Variants in CHCHD6 observed in about 807,000 individuals in gnomAD.
CHCHD6 encodes the protein MICOS complex subunit MIC25.
In CHCHD6, 28 loss-of-function variants were observed where a neutral mutation model predicts 32.3. That is an observed-to-expected ratio of 0.87 (90% confidence interval 0.64 to 1.19). The LOEUF (loss-of-function observed/expected upper bound fraction) is 1.19, where lower values mean the gene tolerates loss of function less well. CHCHD6 is among the 50% of genes most tolerant of loss of function. The pLI is 0.00. For missense variants in CHCHD6, 333 were observed against 307.0 expected, an observed-to-expected ratio of 1.08 and a Z score of -0.63; for synonymous variants, 122 against 117.5, an observed-to-expected ratio of 1.04 and a Z score of -0.25.
intron 4 of CHCHD6, among the ~76,000 whole-genome samples, chr3:126,804,310 C>G (rs962355681): frequency 2.6e-5 from 4 of 151,738 alleles, no homozygotes; most frequent in Non-Finnish European, 5.9e-5. Context: ...ATTGATAGAC[C>G]GCTAGCAAGA....
intron 6 of CHCHD6, among the ~76,000 whole-genome samples, chr3:126,950,507 A>C (rs1475377443): frequency 2.0e-5 from 3 of 152,196 alleles, no homozygotes; most frequent in African/African-American, 7.2e-5. Context: ...GCTGGAGTGC[A>C]GTGGCACGCT....
intron 5 of CHCHD6, among the ~76,000 whole-genome samples, chr3:126,910,816 GGCA>G (rs2078078793): frequency 6.6e-6 from 1 of 152,034 alleles, no homozygotes; most frequent in Admixed American, 6.5e-5. Context: ...GATGAGGTGT[GGCA>G]GATCGTGTCT....
At chr3:126,917,994 G>T (rs1002045027) in intron 6 of CHCHD6, among the ~76,000 whole-genome samples, 2 of 152,176 alleles carry the variant, frequency 1.3e-5, no homozygotes, top group African/African-American at 4.8e-5. Context: ...GCCTGAATGG[G>T]CTAAGATACT....
chr3:126,807,383 A>T (rs972258316), intron 4 of CHCHD6, among the ~76,000 whole-genome samples: 8 of 152,166 alleles, frequency 5.3e-5, no homozygotes, highest in Non-Finnish European at 1.0e-4. Flanking sequence ...CTGGTAAAAA[A>T]TCACACTTAG....
intron 5 of CHCHD6, among the ~76,000 whole-genome samples, chr3:126,877,861 C>G: frequency 6.6e-6 from 1 of 152,166 alleles, no homozygotes; most frequent in Non-Finnish European, 1.5e-5. Context: ...TTAGCACTGC[C>G]TGGGAATCTA....
intron 6 of CHCHD6, among the ~76,000 whole-genome samples, chr3:126,948,325 A>G (rs542264892): frequency 2.0e-5 from 3 of 152,340 alleles, no homozygotes; most frequent in African/African-American, 4.8e-5. Flanking sequence ...AATCTGTTGC[A>G]GCCCCTCCTA....
intron 6 of CHCHD6, among the ~76,000 whole-genome samples, chr3:126,945,303 G>A (rs1032249171): frequency 6.6e-6 from 1 of 152,094 alleles, no homozygotes; most frequent in African/African-American, 2.4e-5. Context: ...GGGCAGGCCT[G>A]TGGGGGGCGC....
At chr3:126,874,890 C>A (rs2077520419) in intron 5 of CHCHD6, among the ~76,000 whole-genome samples, 1 of 152,204 alleles carries the variant, frequency 6.6e-6, no homozygotes. Context: ...CTGCAGCTCC[C>A]CTGGCCCCAC....
intron 1 of CHCHD6, among the ~76,000 whole-genome samples, chr3:126,722,469 C>T (rs1342086663): frequency 6.6e-6 from 1 of 152,180 alleles, no homozygotes. Context: ...GACCCTTACA[C>T]GTTGACCTTT....
chr3:126,770,863 C>G (rs1937530442), intron 4 of CHCHD6, among the ~76,000 whole-genome samples: 1 of 152,100 alleles, frequency 6.6e-6, no homozygotes, highest in Non-Finnish European at 1.5e-5. Flanking sequence ...TGGAGAAGTC[C>G]CTCCTCCTCA....
At chr3:126,932,586 G>C (rs936500430) in intron 6 of CHCHD6, among the ~76,000 whole-genome samples, 3 of 152,326 alleles carry the variant, frequency 2.0e-5, no homozygotes, top group African/African-American at 7.2e-5. Context: ...CTTGAGTCCA[G>C]AGAGCCTGTG....
chr3:126,731,247 T>C (rs570560902), intron 3 of CHCHD6, among the ~76,000 whole-genome samples: 1 of 152,262 alleles, frequency 6.6e-6, no homozygotes, highest in Non-Finnish European at 1.5e-5. Flanking sequence ...ACTGTGGTTG[T>C]CCAGATGAAC....
intron 5 of CHCHD6, among the ~76,000 whole-genome samples, chr3:126,853,510 C>T (rs1941550159): frequency 1.3e-5 from 2 of 152,126 alleles, no homozygotes; most frequent in Admixed American, 1.3e-4. Context: ...TTGAAATTGA[C>T]AGTTTGCTTG....
intron 5 of CHCHD6, among the ~76,000 whole-genome samples, chr3:126,879,850 C>T (rs1238873298): frequency 3.3e-5 from 5 of 152,044 alleles, no homozygotes; most frequent in Non-Finnish European, 7.4e-5. Flanking sequence ...TAATGACTGC[C>T]GTGATGAAAT....
chr3:126,938,249 C>G (rs1313475573), intron 6 of CHCHD6, among the ~76,000 whole-genome samples: 1 of 152,214 alleles, frequency 6.6e-6, no homozygotes, highest in African/African-American at 2.4e-5. Flanking sequence ...GGCCACATCT[C>G]TGGCACCGTA....
chr3:126,913,060 G>T (rs1412153641), intron 5 of CHCHD6, among the ~76,000 whole-genome samples: 1 of 152,146 alleles, frequency 6.6e-6, no homozygotes, highest in Non-Finnish European at 1.5e-5. Context: ...CTACAAATGT[G>T]CAAGGCAACG....
chr3:126,824,464 A>T (rs113473897), intron 4 of CHCHD6, among the ~76,000 whole-genome samples: 1 of 147,838 alleles, frequency 6.8e-6, no homozygotes, highest in Non-Finnish European at 1.5e-5. Flanking sequence ...GGGAGACTGA[A>T]GCAGGAGAAT....
intron 4 of CHCHD6, 145 bp from the exon 5 acceptor site, chr3:126,852,502 A>G (rs1456754395): frequency 1.6e-6 from 1 of 615,016 alleles, no homozygotes; most frequent in African/African-American, 1.8e-5. Flanking sequence ...TATGTGAATG[A>G]TCTGGCATAT....
At chr3:126,822,740 A>G (rs1267046598) in intron 4 of CHCHD6, among the ~76,000 whole-genome samples, 2 of 152,198 alleles carry the variant, frequency 1.3e-5, no homozygotes, top group Non-Finnish European at 2.9e-5. Flanking sequence ...TATTAAAACA[A>G]TCATTCCTCA....
Sources: allele counts gnomAD v4.1 joint callset (sites outside exome capture counted in the v4.1 genomes callset), GRCh38; gene constraint gnomAD v4.1.1; transcripts MANE v1.5; gene names NCBI Gene and HGNC (gene_info 2026-07-23, HGNC 2026-07-21).